CDH13: variants seen among roughly 807,000 people sequenced by gnomAD.
CDH13 encodes the protein cadherin-13.
A neutral mutation model predicts 63.8 loss-of-function variants in CDH13; 24 were observed. The ratio of observed to expected loss-of-function variants is 0.38; its 90% CI spans 0.27 to 0.53. CDH13 has a LOEUF of 0.53. Ranked by LOEUF, CDH13 falls within the 20% of genes least tolerant of loss-of-function variation. The probability of loss-of-function intolerance (pLI) is 0.85; values close to 1 mark genes in which losing one functional copy is unlikely to be tolerated. For synonymous variants in CDH13, 503 were observed against 355.3 expected, an observed-to-expected ratio of 1.42 and a Z score of -4.67; for missense variants, 1,049 against 903.1, an observed-to-expected ratio of 1.16 and a Z score of -2.07.
At chr16:83,245,853 C>T (rs1904937873) in intron 5 of CDH13, among the ~76,000 whole-genome samples, 1 of 152,118 alleles carries the variant, frequency 6.6e-6, no homozygotes, top group Non-Finnish European at 1.5e-5. Context: ...AATGATTCTC[C>T]CACCTCAGTC....
At chr16:83,631,661 C>A (rs962334074) in intron 8 of CDH13, among the ~76,000 whole-genome samples, 1 of 152,002 alleles carries the variant, frequency 6.6e-6, no homozygotes, top group African/African-American at 2.4e-5. Flanking sequence ...CCTTAGGAAC[C>A]ACGGAAGTGA....
chr16:83,380,413 T>C (rs7188833), intron 6 of CDH13, among the ~76,000 whole-genome samples: 40,162 of 152,014 alleles, frequency 0.26, 5,649 homozygotes, highest in Middle Eastern at 0.3. Flanking sequence ...CTATTTTTGC[T>C]CCCAGCTATT....
At chr16:82,762,700 C>T (rs2034899719) in intron 1 of CDH13, among the ~76,000 whole-genome samples, 1 of 152,098 alleles carries the variant, frequency 6.6e-6, no homozygotes, top group African/African-American at 2.4e-5. Context: ...GGAGGGGTTC[C>T]CTGGAATGCC....
At chr16:83,686,210 C>G (rs144236169) in intron 10 of CDH13, among the ~76,000 whole-genome samples, 18 of 152,308 alleles carry the variant, frequency 1.2e-4, no homozygotes, top group African/African-American at 2.6e-4. Flanking sequence ...GCTTTTTGAA[C>G]ATGTCTTAGT....
rs185609695 is a variant in CDH13, at chr16:82,890,706, C to T, written c.157+32233C>T. ...TTGCTCTGTAGCCCAGGCTAGAGTG[C>T]AATGGCATGATCTTGGCTCACTGCA... On this transcript the variant is annotated intron_variant, in intron 2 of 13. Coordinates refer to ENST00000567109, the MANE Select transcript of CDH13 (RefSeq NM_001257.5). 6.1e-5 allele frequency among the ~76,000 whole-genome samples: 9 copies of T among 147,710 alleles called. No homozygotes were observed. In the East Asian group the frequency reaches 1.4e-3, roughly 23 times the overall value.
At chr16:82,654,877 C>T (rs1377377553) in intron 1 of CDH13, among the ~76,000 whole-genome samples, 4 of 152,106 alleles carry the variant, frequency 2.6e-5, no homozygotes, top group Non-Finnish European at 2.9e-5. Flanking sequence ...TCAGTTCTTT[C>T]ATCCCTCCCA....
At chr16:83,563,178 G>A (rs2075737568) in intron 7 of CDH13, among the ~76,000 whole-genome samples, 1 of 152,178 alleles carries the variant, frequency 6.6e-6, no homozygotes, top group South Asian at 2.1e-4. Context: ...GCAAAAAATG[G>A]CATCTACCAG....
At chr16:83,189,090 A>G (rs1042096471) in intron 4 of CDH13, among the ~76,000 whole-genome samples, 2 of 152,204 alleles carry the variant, frequency 1.3e-5, no homozygotes, top group Admixed American at 1.3e-4. Context: ...AAGGAACTCG[A>G]TGCCCTGTTT....
At chr16:83,425,377 G>C (rs903745400) in intron 6 of CDH13, among the ~76,000 whole-genome samples, 3 of 152,232 alleles carry the variant, frequency 2.0e-5, no homozygotes, top group African/African-American at 7.2e-5. Context: ...TCTGGAATTA[G>C]ACAATTATTG....
intron 2 of CDH13, among the ~76,000 whole-genome samples, chr16:82,934,760 T>G (rs59976633): frequency 0.048 from 7,368 of 152,296 alleles, 511 homozygotes; most frequent in African/African-American, 0.16. Context: ...ATCAGTCTCT[T>G]TGCTAAAGCA....
At chr16:82,650,784 G>A (rs1184185694) in intron 1 of CDH13, among the ~76,000 whole-genome samples, 1 of 152,194 alleles carries the variant, frequency 6.6e-6, no homozygotes, top group Non-Finnish European at 1.5e-5. Context: ...TGCACATCCA[G>A]GATTGATTTT....
intron 4 of CDH13, among the ~76,000 whole-genome samples, chr16:83,169,393 T>A (rs1326722557): frequency 6.6e-6 from 1 of 152,074 alleles, no homozygotes; most frequent in Non-Finnish European, 1.5e-5. Flanking sequence ...GCCAGGATTG[T>A]CTTGATGTCT....
chr16:83,153,363 A>G (rs1414335670), intron 4 of CDH13, among the ~76,000 whole-genome samples: 1 of 152,084 alleles, frequency 6.6e-6, no homozygotes, highest in Non-Finnish European at 1.5e-5. Flanking sequence ...AGTCTGCACA[A>G]CACCTCAAAC....
intron 1 of CDH13, among the ~76,000 whole-genome samples, chr16:82,735,941 C>A (rs1162358585): frequency 6.6e-6 from 1 of 152,206 alleles, no homozygotes. Context: ...AGACGCTATA[C>A]TCACTAGGCT....
intron 1 of CDH13, among the ~76,000 whole-genome samples, chr16:82,843,631 G>GA: frequency 6.6e-6 from 1 of 152,252 alleles, no homozygotes; most frequent in Admixed American, 6.5e-5. Flanking sequence ...TTTCTGGTGT[G>GA]AAAAAGTAAA....
intron 6 of CDH13, among the ~76,000 whole-genome samples, chr16:83,402,515 C>T (rs1244356852): frequency 6.6e-6 from 1 of 152,248 alleles, no homozygotes; most frequent in African/African-American, 2.4e-5. Flanking sequence ...TATATTTTGT[C>T]TATGGCCTTC....
At chr16:83,210,231 G>C (rs911046746) in intron 4 of CDH13, among the ~76,000 whole-genome samples, 2 of 151,808 alleles carry the variant, frequency 1.3e-5, no homozygotes, top group Admixed American at 1.3e-4. Flanking sequence ...CGCCTAGCTA[G>C]TTTTTGTATT....
intron 4 of CDH13, among the ~76,000 whole-genome samples, chr16:83,146,189 G>C (rs1417968628): frequency 1.0e-5 from 1 of 95,270 alleles, no homozygotes; most frequent in African/African-American, 7.2e-5. Context: ...GCAAGACTCT[G>C]TCTCAAAAAA....
intron 1 of CDH13, among the ~76,000 whole-genome samples, chr16:82,637,412 T>C (rs546625203): frequency 2.0e-5 from 3 of 148,478 alleles, no homozygotes; most frequent in Non-Finnish European, 4.5e-5. Flanking sequence ...AGCTGAGGTC[T>C]GTACAGTTAC....
Sources: allele counts gnomAD v4.1 joint callset (sites outside exome capture counted in the v4.1 genomes callset), GRCh38; gene constraint gnomAD v4.1.1; transcripts MANE v1.5; gene names NCBI Gene and HGNC (gene_info 2026-07-23, HGNC 2026-07-21).